RIOX2: variants seen among roughly 807,000 people sequenced by gnomAD.
RIOX2 encodes the protein 60S ribosomal protein L27a histidine hydroxylase.
Under a neutral mutation model 51.2 loss-of-function variants are expected in RIOX2, and 43 were observed. That is an observed-to-expected ratio of 0.84 (90% CI 0.66 to 1.08). The LOEUF (loss-of-function observed/expected upper bound fraction) is 1.08, where lower values mean the gene tolerates loss of function less well. RIOX2 is among the 50% of genes least tolerant of loss of function. The pLI, the probability that RIOX2 is intolerant of heterozygous loss-of-function variation, is 0.00. For missense variants in RIOX2, 566 were observed against 561.7 expected, an observed-to-expected ratio of 1.01 and a Z score of -0.08; for synonymous variants, 226 against 218.5, an observed-to-expected ratio of 1.03 and a Z score of -0.30.
intron 4 of RIOX2, among the ~76,000 whole-genome samples, chr3:97,958,627 CA>C (rs1274495722): frequency 1.3e-5 from 2 of 152,080 alleles, no homozygotes; most frequent in East Asian, 1.9e-4. Context: ...GCAACAACAA[CA>C]AAAAAAACTA....
At chr3:97,949,757 C>A in intron 7 of RIOX2, 87 bp downstream of exon 7, 1 of 1,212,850 alleles carries the variant, frequency 8.2e-7, no homozygotes, top group Non-Finnish European at 1.2e-6. Flanking sequence ...TCATACTTTC[C>A]ATCTGTTCAA....
chr3:97,942,084 A>G lies in RIOX2; in HGVS notation c.*3100T>C. The G allele has an allele frequency of 2.6e-6, 1 of 383,724 alleles. No homozygotes were observed. The highest frequency in any genetic ancestry group is 4.6e-6 in the Non-Finnish European group (1 of 217,404). The allele number at this position is 383,724 out of a possible 1,614,324, so 23.8% of individuals were successfully genotyped here. A position where few individuals can be genotyped will look rare whatever the true frequency, so the allele number is the denominator to read the frequency against. On this transcript the variant is annotated 3_prime_UTR_variant, in exon 10 of 10. Transcript: ENST00000394198. ...CAAGTACCTCTATTTCAGTTGGTTT[A>G]TTTCTGTACCATCTCCTACCCACAG...
chr3:97,953,110 C>T lies in RIOX2; in HGVS notation c.785+1282G>A, dbSNP rs115169823. The stretch of plus-strand genomic sequence containing the variant: ...GTCCTCTCCTACTCTGATCTGCTGA[C>T]CCACCCCTACTTACTCATCCTTTAA... On this transcript the variant is annotated intron_variant, in intron 5 of 9. Transcript: ENST00000394198. 4.4e-3 allele frequency among the ~76,000 whole-genome samples: 665 copies of T among 152,230 alleles called. 4 individuals carry two copies. The highest frequency in any genetic ancestry group is 7.5e-3 in the Admixed American group (114 of 15,282).
chr3:97,962,799 C>A (rs1042633251), intron 2 of RIOX2, among the ~76,000 whole-genome samples: 1 of 152,148 alleles, frequency 6.6e-6, no homozygotes, highest in Non-Finnish European at 1.5e-5. Context: ...CTTCAGTTTA[C>A]AGATGAGGAA....
At chr3:97,953,148 A>G (rs1705312072) in intron 5 of RIOX2, among the ~76,000 whole-genome samples, 1 of 152,100 alleles carries the variant, frequency 6.6e-6, no homozygotes, top group Admixed American at 6.6e-5. Flanking sequence ...CTCACTCAGC[A>G]TTGGTGTCAT....
At position 97,942,469 on chromosome 3, in the gene RIOX2, T is replaced by C. The variant is rs1454407882; in HGVS notation, c.*2715A>G. 4 of 1,584,346 alleles carry C rather than the reference T, an allele frequency of 2.5e-6. No individual in the cohort carries two copies. The highest frequency in any genetic ancestry group is 3.4e-6 in the Non-Finnish European group (4 of 1,162,302). ...GTGGGCCTTTGATGATACCCAATGT[T>C]GTGTCCCTGGATATTAGTTTCAGTT... On this transcript the variant is annotated 3_prime_UTR_variant, in exon 10 of 10. Transcript: ENST00000394198.
chr3:97,953,207 T>C (rs531851739), intron 5 of RIOX2, among the ~76,000 whole-genome samples: 2 of 152,240 alleles, frequency 1.3e-5, no homozygotes, highest in South Asian at 4.1e-4. Context: ...CATTCCTCTA[T>C]GCTCCAAGAG....
At chr3:97,952,643 C>T (rs556266018) in intron 5 of RIOX2, among the ~76,000 whole-genome samples, 31 of 152,308 alleles carry the variant, frequency 2.0e-4, no homozygotes, top group African/African-American at 6.7e-4. Flanking sequence ...GAAACATTAA[C>T]GATGGGACAC....
intron 5 of RIOX2, chr3:97,953,876 A>G (rs1313903081): frequency 6.5e-6 from 1 of 153,434 alleles, no homozygotes; most frequent in Non-Finnish European, 1.5e-5. Flanking sequence ...ATGGACTGTA[A>G]AAAGAGAAAC....
At chr3:97,962,309 C>CA (rs969078156) in intron 2 of RIOX2, among the ~76,000 whole-genome samples, 32 of 116,512 alleles carry the variant, frequency 2.7e-4, no homozygotes, top group African/African-American at 8.5e-4. Flanking sequence ...GTTTTCAGGA[C>CA]AAAAAAAAGA....
chr3:97,949,939 G>A lies in RIOX2; in HGVS notation c.965C>T (p.Thr322Ile). The part of the protein sequence containing the change: ...LRTLADRLEG[T>I]KELLSSDMKK... ...CATGTCTGAGGAAAGCAGTTCTTTG[G>A]TGCCCTCCAGCCGGTCTGCAAGTGT... The change falls in exon 7 of 10, where the codon ACC (threonine) becomes ATC (isoleucine). Residue 322 changes from threonine to isoleucine, a missense_variant. By Grantham distance (89) the Thr-to-Ile change is moderately conservative. Transcript: ENST00000394198. The A allele has an allele frequency of 6.2e-7, 1 of 1,613,850 alleles. No individual in the cohort carries two copies. Among genetic ancestry groups the A allele is most frequent in the Non-Finnish European group, 8.5e-7 (1 of 1,179,940 alleles).
chr3:97,965,890 G>A (rs1403805203), intron 2 of RIOX2, among the ~76,000 whole-genome samples: 2 of 152,234 alleles, frequency 1.3e-5, no homozygotes, highest in Non-Finnish European at 2.9e-5. Flanking sequence ...GACTAGCTCA[G>A]CGAGAAGCAT....
intron 5 of RIOX2, 64 bp from the exon 6 acceptor site, chr3:97,950,952 A>G: frequency 8.6e-7 from 1 of 1,166,762 alleles, no homozygotes; most frequent in Admixed American, 1.8e-5. Flanking sequence ...ATATACATAA[A>G]ATACTTATTG....
intron 4 of RIOX2, among the ~76,000 whole-genome samples, chr3:97,955,290 T>TA (rs1380926548): frequency 1.3e-5 from 2 of 152,168 alleles, no homozygotes; most frequent in African/African-American, 4.8e-5. Flanking sequence ...GAGCCTCCTC[T>TA]ACCCTATTCC....
At chr3:97,959,769 A>G (rs1189765927) in intron 3 of RIOX2, among the ~76,000 whole-genome samples, 2 of 152,236 alleles carry the variant, frequency 1.3e-5, no homozygotes, top group Non-Finnish European at 2.9e-5. Flanking sequence ...ATAAAAACAT[A>G]TGTAGATACT....
Position 97,967,361 on chromosome 3 carries a change from C to A in RIOX2, c.233G>T (p.Gly78Val). The change falls in exon 2 of 10, where the codon GGG becomes GTG. Residue 78 changes from glycine (G) to valine (V), a missense_variant. Transcript: ENST00000394198. Reference sequence around the variant, plus strand: ...CAGATCTGTTAGCTTGAACAGGGACCCATAGTATGTGGCCAGTGCAGGGTC... The same window carrying A: ...CAGATCTGTTAGCTTGAACAGGGACACATAGTATGTGGCCAGTGCAGGGTC... Reference protein sequence around the residue: ...RDDPALATYYGSLFKLTDLKS... With the variant: ...RDDPALATYYVSLFKLTDLKS... 1 of 1,614,156 alleles carries A rather than the reference C, an allele frequency of 6.2e-7. No individual in the cohort carries two copies. The highest frequency in any genetic ancestry group is 8.5e-7 in the Non-Finnish European group (1 of 1,180,036).
intron 1 of RIOX2, among the ~76,000 whole-genome samples, chr3:97,971,312 T>C (rs1706121029): frequency 6.6e-6 from 1 of 152,242 alleles, no homozygotes; most frequent in Non-Finnish European, 1.5e-5. Flanking sequence ...CCACTTCTGA[T>C]GGCTGAGGCC....
At chr3:97,972,158 G>A (rs974395511) in intron 1 of RIOX2, 1 of 152,028 alleles carries the variant, frequency 6.6e-6, no homozygotes, top group African/African-American at 2.4e-5. Context: ...CCTAGATCCG[G>A]GCCCCACCCA....
intron 4 of RIOX2, 72 bp from the exon 5 acceptor site, chr3:97,954,567 A>T (rs572452916): frequency 8.0e-7 from 1 of 1,251,782 alleles, no homozygotes; most frequent in South Asian, 1.3e-5. Context: ...TTTCAGGGAG[A>T]TAAATATGGG....
Sources: gnomAD v4.1 joint callset for allele counts (sites outside exome capture counted in the v4.1 genomes callset) on GRCh38, gnomAD v4.1.1 for gene constraint, MANE v1.5 for transcripts, NCBI Gene and HGNC (gene_info 2026-07-23, HGNC 2026-07-21) for gene names.